KCNAB1: variants seen among roughly 807,000 people sequenced by gnomAD.
KCNAB1 encodes the protein voltage-gated potassium channel subunit beta-1.
KCNAB1 carries 35 observed loss-of-function variants against 64.6 expected under a neutral mutation model. The observed-to-expected ratio is 0.54, with a 90% CI of 0.41 to 0.72. The LOEUF (loss-of-function observed/expected upper bound fraction) is 0.72. Ranked by LOEUF, KCNAB1 falls within the 30% of genes least tolerant of loss-of-function variation. KCNAB1 has a pLI of 0.00. For missense variants in KCNAB1, 401 were observed against 512.9 expected (o/e 0.78, Z 2.11); for synonymous variants, 177 against 183.8 (o/e 0.96, Z 0.30).
chr3:156,192,198 C>T (rs191106705), intron 1 of KCNAB1, among the ~76,000 whole-genome samples: 25 of 152,036 alleles, frequency 1.6e-4, no homozygotes, highest in Admixed American at 1.6e-3. Flanking sequence ...AGCATGAGTT[C>T]ATTCTTTTTA....
rs1184478718 is a variant in KCNAB1, at chr3:156,386,888, C to G, written c.276-34728C>G. Among the ~76,000 whole-genome samples the G allele has an allele frequency of 4.6e-5, 7 of 152,168 alleles. 1 individual carries two copies. In the South Asian group the frequency reaches 1.5e-3, roughly 32 times the overall value. On this transcript the variant is annotated intron_variant, in intron 1 of 13. Transcript: ENST00000490337. Reference sequence around the variant, plus strand: ...AAGATGAATCTTTGAGAACCAAAGCCAGGGCTGCAAGGCCCAGCTTCCCTT... The same window carrying G: ...AAGATGAATCTTTGAGAACCAAAGCGAGGGCTGCAAGGCCCAGCTTCCCTT...
intron 1 of KCNAB1, among the ~76,000 whole-genome samples, chr3:156,189,059 C>G (rs1577689844): frequency 6.6e-6 from 1 of 152,148 alleles, no homozygotes; most frequent in Non-Finnish European, 1.5e-5. Flanking sequence ...CCGAGGATGC[C>G]CTTCTCCTGC....
At chr3:156,371,477 C>T (rs966269169) in intron 1 of KCNAB1, among the ~76,000 whole-genome samples, 2 of 152,146 alleles carry the variant, frequency 1.3e-5, no homozygotes, top group African/African-American at 4.8e-5. Context: ...ATCATTTCTT[C>T]CTCTTGAAAT....
Position 156,177,543 on chromosome 3 carries a change from AT to A in KCNAB1, c.275+56664del, listed in dbSNP as rs571164130. On this transcript the variant is annotated intron_variant, in intron 1 of 13. Transcript: ENST00000490337. ...AAGCGCCCGCCACCCCGCCTGGCTA[AT>A]TTTTTTGTATTTTTAGTAGAGACGG... Among the ~76,000 whole-genome samples, 51 of 151,542 alleles carry A rather than the reference AT, an allele frequency of 3.4e-4. 1 individual carries two copies. The South Asian group carries it at 8.8e-3, about 26-fold the overall frequency.
At chr3:156,474,964 C>A (rs1409946379) in intron 8 of KCNAB1, 144 bp downstream of exon 8, 1 of 658,602 alleles carries the variant, frequency 1.5e-6, no homozygotes, top group Non-Finnish European at 2.6e-6. Context: ...TGCCTTTTGG[C>A]CTCAGCGTTT....
intron 1 of KCNAB1, among the ~76,000 whole-genome samples, chr3:156,274,375 T>C (rs1180956199): frequency 6.6e-6 from 1 of 152,242 alleles, no homozygotes; most frequent in Non-Finnish European, 1.5e-5. Flanking sequence ...AAATTACCTA[T>C]GCTTTCTCAA....
Position 156,375,027 on chromosome 3 carries a change from C to A in KCNAB1, c.276-46589C>A, listed in dbSNP as rs1244172519. Reference sequence around the variant, plus strand: ...TCTCCCTCACTTCTTCCTTTATTGACCACTGCACTGACATTGTTTGGTTTG... The same window carrying A: ...TCTCCCTCACTTCTTCCTTTATTGAACACTGCACTGACATTGTTTGGTTTG... On this transcript the variant is annotated intron_variant, in intron 1 of 13. Coordinates refer to ENST00000490337, the MANE Select transcript of KCNAB1 (RefSeq NM_172160.3). Among the ~76,000 whole-genome samples the A allele has an allele frequency of 1.5e-5, 2 of 135,670 alleles. 1 individual carries two copies. Among genetic ancestry groups the A allele is most frequent in the African/African-American group, 6.6e-5 (2 of 30,402 alleles). The allele number at this position is 135,670 out of a possible 152,430, so 89.0% of individuals were successfully genotyped here.
At chr3:156,354,723 C>CAAAAAAAAAAA (rs11320799) in intron 1 of KCNAB1, among the ~76,000 whole-genome samples, 1 of 117,914 alleles carries the variant, frequency 8.5e-6, no homozygotes, top group Non-Finnish European at 1.8e-5. Context: ...ATCTCCCCTC[C>CAAAAAAAAAAA]AAAAAAAAAA....
intron 1 of KCNAB1, among the ~76,000 whole-genome samples, chr3:156,410,375 A>G (rs1031351856): frequency 2.6e-5 from 4 of 152,200 alleles, no homozygotes; most frequent in African/African-American, 9.6e-5. Flanking sequence ...ATTATTTGTC[A>G]GGTCCTTTGC....
intron 1 of KCNAB1, among the ~76,000 whole-genome samples, chr3:156,308,490 C>T (rs562712831): frequency 7.2e-5 from 11 of 152,212 alleles, no homozygotes; most frequent in Admixed American, 2.0e-4. Context: ...TTCATGAGGA[C>T]GATGGTGGCT....
chr3:156,407,857 T>G (rs1223177759), intron 1 of KCNAB1, among the ~76,000 whole-genome samples: 1 of 152,214 alleles, frequency 6.6e-6, no homozygotes, highest in African/African-American at 2.4e-5. Context: ...TTTTCAAAAC[T>G]GCAAAACAGG....
intron 1 of KCNAB1, among the ~76,000 whole-genome samples, chr3:156,278,240 T>A (rs1022519923): frequency 6.6e-6 from 1 of 152,168 alleles, no homozygotes; most frequent in African/African-American, 2.4e-5. Flanking sequence ...CAGAAACAAA[T>A]AGATTTTGGC....
chr3:156,198,151 T>G (rs1436051867), intron 1 of KCNAB1, among the ~76,000 whole-genome samples: 2 of 152,116 alleles, frequency 1.3e-5, no homozygotes, highest in Non-Finnish European at 2.9e-5. Context: ...TGGTCTGAGA[T>G]ACTGTTTGTT....
intron 1 of KCNAB1, among the ~76,000 whole-genome samples, chr3:156,185,728 A>G (rs1439428990): frequency 6.6e-6 from 1 of 152,042 alleles, no homozygotes; most frequent in Non-Finnish European, 1.5e-5. Context: ...CCCATCCTCG[A>G]TGATAGGAGT....
Position 156,202,438 on chromosome 3 carries a change from C to T in KCNAB1, c.275+81552C>T, listed in dbSNP as rs75856243. ...GTGTCTTCCCTCCATCCACTCTCAA[C>T]GCCTTTTCTCTAACGATCTGCTAGG... is the stretch of plus-strand genomic sequence containing the variant. On this transcript the variant is annotated intron_variant, in intron 1 of 13. Coordinates refer to ENST00000490337, the MANE Select transcript of KCNAB1 (RefSeq NM_172160.3). 8.8e-4 allele frequency among the ~76,000 whole-genome samples: 134 copies of T among 152,324 alleles called. No homozygotes were observed. In the East Asian group the frequency reaches 0.019, roughly 22 times the overall value.
chr3:156,307,212 A>G (rs368558319), intron 1 of KCNAB1, among the ~76,000 whole-genome samples: 2 of 152,250 alleles, frequency 1.3e-5, no homozygotes, highest in African/African-American at 4.8e-5. Flanking sequence ...AGCCAGCCAA[A>G]GCATGGAGAC....
At chr3:156,133,300 A>G (rs554951114) in intron 1 of KCNAB1, among the ~76,000 whole-genome samples, 8 of 152,242 alleles carry the variant, frequency 5.3e-5, no homozygotes, top group Non-Finnish European at 8.8e-5. Context: ...AAAATATTAA[A>G]TGCTTAAATC....
intron 1 of KCNAB1, among the ~76,000 whole-genome samples, chr3:156,173,774 G>C (rs1454394030): frequency 6.6e-6 from 1 of 152,232 alleles, no homozygotes; most frequent in Non-Finnish European, 1.5e-5. Flanking sequence ...GTGTCTGTAA[G>C]GGTGTTTCCA....
At position 156,186,976 on chromosome 3, in the gene KCNAB1, C is replaced by A. The variant is rs373648611; in HGVS notation, c.275+66090C>A. ...AAGTGATCCTCCCACCTCAGCCTCC[C>A]AAGTAGCTGGGACCACAGGTGTGCA... On this transcript the variant is annotated intron_variant, in intron 1 of 13. Coordinates refer to ENST00000490337, the MANE Select transcript of KCNAB1 (RefSeq NM_172160.3). Among the ~76,000 whole-genome samples, 21 of 152,112 alleles carry A rather than the reference C, an allele frequency of 1.4e-4. No individual in the cohort carries two copies. In the East Asian group the frequency reaches 3.7e-3, roughly 27 times the overall value.
Sources: allele counts gnomAD v4.1 joint callset (sites outside exome capture counted in the v4.1 genomes callset), GRCh38; gene constraint gnomAD v4.1.1; transcripts MANE v1.5; gene names NCBI Gene and HGNC (gene_info 2026-07-23, HGNC 2026-07-21).